OOSP4B: variants seen among roughly 807,000 people sequenced by gnomAD.
OOSP4B encodes oocyte-secreted protein 4B.
chr11:60,026,740 T>C (rs1188225062), intron 3 of OOSP4B, among the ~76,000 whole-genome samples: 3 of 152,230 alleles, frequency 2.0e-5, no homozygotes, highest in African/African-American at 7.2e-5. Flanking sequence ...ACTGGTAATA[T>C]TACATGTAAA....
At chr11:60,022,128 A>G (rs934362550) in intron 1 of OOSP4B, 2 of 152,124 alleles carry the variant, frequency 1.3e-5, no homozygotes, top group African/African-American at 2.4e-5. Context: ...TAACCCCTCA[A>G]TGACAGCCTG....
intron 1 of OOSP4B, chr11:60,022,364 G>C (rs528408883): frequency 6.6e-5 from 10 of 152,240 alleles, no homozygotes; most frequent in African/African-American, 2.2e-4. Context: ...CTTCACTTCT[G>C]CAGCTGTCAT....
chr11:60,030,790 C>T lies in OOSP4B; in HGVS notation c.451-12C>T, dbSNP rs922253881. 158 of 397,974 alleles carry T rather than the reference C, an allele frequency of 4.0e-4. No homozygotes were observed. The highest frequency in any genetic ancestry group is 4.4e-5 in the Non-Finnish European group (10 of 225,846). The allele number at this position is 397,974 out of a possible 1,614,324, so 24.7% of individuals were successfully genotyped here. ...AAGCAGCTCTTAACTGCTTTTCCCC[C>T]CTATCCTACAGGAGCAACTATCCAA... On this transcript the variant is annotated splice_polypyrimidine_tract_variant and intron_variant, in intron 4 of 4. Transcript: ENST00000642343.
intron 3 of OOSP4B, among the ~76,000 whole-genome samples, chr11:60,028,504 A>G (rs576692071): frequency 2.0e-5 from 3 of 152,092 alleles, no homozygotes; most frequent in African/African-American, 2.4e-5. Flanking sequence ...TTTTTCCTCA[A>G]TGTTTGACAT....
chr11:60,020,654 A>G (rs1278233176), intron 1 of OOSP4B, among the ~76,000 whole-genome samples: 1 of 152,228 alleles, frequency 6.6e-6, no homozygotes, highest in Non-Finnish European at 1.5e-5. Context: ...CCAGCCCAGA[A>G]AGGGGCTCCC....
At chr11:60,026,624 AC>A (rs1382692752) in intron 3 of OOSP4B, among the ~76,000 whole-genome samples, 1 of 152,196 alleles carries the variant, frequency 6.6e-6, no homozygotes. Flanking sequence ...AAATTAAGGC[AC>A]CCTGCAAGGA....
chr11:60,018,897 C>G (rs1426500580), intron 1 of OOSP4B, among the ~76,000 whole-genome samples: 1 of 152,090 alleles, frequency 6.6e-6, no homozygotes, highest in African/African-American at 2.4e-5. Flanking sequence ...TCTAGGGAAA[C>G]TTAGGGAGTA....
intron 1 of OOSP4B, among the ~76,000 whole-genome samples, chr11:60,022,534 G>A (rs1854702678): frequency 6.6e-6 from 1 of 152,160 alleles, no homozygotes; most frequent in Admixed American, 6.5e-5. Context: ...TATCAAGTTG[G>A]TAACCTCAGG....
intron 3 of OOSP4B, among the ~76,000 whole-genome samples, chr11:60,027,669 A>AAAAAAAAAAAAG (rs1854757958): frequency 6.7e-6 from 1 of 148,886 alleles, no homozygotes; most frequent in Non-Finnish European, 1.5e-5. Flanking sequence ...AAAAAAAAAA[A>AAAAAAAAAAAAG]AAAAAAAAAA....
intron 2 of OOSP4B, 143 bp downstream of exon 2, chr11:60,024,204 C>G (rs978744147): frequency 1.8e-5 from 7 of 394,082 alleles, no homozygotes; most frequent in African/African-American, 1.0e-4. Flanking sequence ...GGACCAGGTG[C>G]TTATCTACTT....
chr11:60,022,014 G>A (rs1854696161), intron 1 of OOSP4B: 1 of 150,074 alleles, frequency 6.7e-6, no homozygotes, highest in African/African-American at 2.5e-5. Context: ...AAAGAATGTG[G>A]TGAAATTTGA....
rs917374799 is a variant in OOSP4B at position 60,018,884 on chromosome 11, G to A, written c.22+1471G>A. Among the ~76,000 whole-genome samples the A allele has an allele frequency of 2.0e-5, 3 of 152,230 alleles. No homozygotes were observed. The East Asian group carries it at 5.8e-4, about 29-fold the overall frequency. ...TAAGTGTACTTTAGTCACATTAGAC[G>A]AATCTAGGGAAACTTAGGGAGTAAA... On this transcript the variant is annotated intron_variant, in intron 1 of 4. Transcript: ENST00000642343.
chr11:60,031,028 ATT>A (rs774400839), exon 5 of OOSP4B: 3 of 385,678 alleles, frequency 7.8e-6, no homozygotes, highest in Non-Finnish European at 9.2e-6. Flanking sequence ...TAATGAGTTA[ATT>A]TTAAGTGAAA....
intron 3 of OOSP4B, among the ~76,000 whole-genome samples, chr11:60,029,449 G>A (rs1854781756): frequency 6.6e-6 from 1 of 152,012 alleles, no homozygotes; most frequent in African/African-American, 2.4e-5. Flanking sequence ...ATCTTGGGAT[G>A]TGTGTGTGTG....
At chr11:60,021,517 T>C (rs1032846460) in intron 1 of OOSP4B, 3 of 152,240 alleles carry the variant, frequency 2.0e-5, no homozygotes, top group Admixed American at 2.0e-4. Flanking sequence ...CAGCAATGAC[T>C]GAGTTGACTA....
intron 3 of OOSP4B, among the ~76,000 whole-genome samples, chr11:60,027,935 CT>C (rs2134628757): frequency 6.7e-6 from 1 of 149,800 alleles, no homozygotes; most frequent in South Asian, 2.1e-4. Context: ...GTGAGATTGT[CT>C]TTAAAAAAAA....
At chr11:60,025,537 T>C (rs1392363168) in intron 3 of OOSP4B, among the ~76,000 whole-genome samples, 1 of 152,220 alleles carries the variant, frequency 6.6e-6, no homozygotes, top group Non-Finnish European at 1.5e-5. Context: ...GCAGCATGTA[T>C]GCTTTTGTGT....
At chr11:60,028,912 G>A (rs537388758) in intron 3 of OOSP4B, among the ~76,000 whole-genome samples, 38 of 152,180 alleles carry the variant, frequency 2.5e-4, no homozygotes, top group Non-Finnish European at 4.3e-4. Flanking sequence ...TTCTCACTTG[G>A]TGCTGGCCGT....
At chr11:60,022,797 C>T (rs1338251433) in intron 1 of OOSP4B, among the ~76,000 whole-genome samples, 1 of 151,712 alleles carries the variant, frequency 6.6e-6, no homozygotes, top group African/African-American at 2.4e-5. Context: ...TGTGAAATGT[C>T]ACTGTGTGCC....
Sources: allele counts gnomAD v4.1 joint callset (sites outside exome capture counted in the v4.1 genomes callset), GRCh38; gene constraint gnomAD v4.1.1; transcripts MANE v1.5; gene names NCBI Gene and HGNC (gene_info 2026-07-23, HGNC 2026-07-21).